Variants in TRHDE observed in about 807,000 individuals in gnomAD.
The protein encoded by TRHDE is thyrotropin releasing hormone degrading enzyme, also known as thyrotropin-releasing hormone-degrading ectoenzyme.
A neutral mutation model predicts 125.7 loss-of-function variants in TRHDE; 72 were observed. The ratio of observed to expected loss-of-function variants is 0.57; its 90% confidence interval spans 0.47 to 0.70. The LOEUF (loss-of-function observed/expected upper bound fraction) is 0.70, where lower values mean the gene tolerates loss of function less well. TRHDE is among the 30% of genes least tolerant of loss of function. The pLI, the probability that TRHDE is intolerant of heterozygous loss-of-function variation, is 0.00. For synonymous variants in TRHDE, 509 were observed against 509.1 expected, an observed-to-expected ratio of 1.00 and a Z score of 0.00; for missense variants, 1,110 against 1,327.1, an observed-to-expected ratio of 0.84 and a Z score of 2.54.
At chr12:72,279,661 G>A (rs180958595) in intron 1 of TRHDE, among the ~76,000 whole-genome samples, 37 of 152,286 alleles carry the variant, frequency 2.4e-4, no homozygotes, top group African/African-American at 8.7e-4. Context: ...TATGGTGGTG[G>A]TGGCAGTGTG....
intron 15 of TRHDE, among the ~76,000 whole-genome samples, chr12:72,622,240 GTATCT>G (rs1356767067): frequency 6.6e-6 from 1 of 151,990 alleles, no homozygotes; most frequent in East Asian, 1.9e-4. Flanking sequence ...CCTTAAACTT[GTATCT>G]TATCTTAGAA....
rs771066713 is a variant in TRHDE at position 72,562,867 on chromosome 12, T to C, written c.1869T>C (p.Asn623=). Residue 623 remains asparagine (N), a synonymous_variant, in exon 9 of 19, where the codon AAT becomes AAC. Transcript: ENST00000261180. ...TCCTTGTGAAGGCTTTAAAAAGAAA[T>C]GGGAAATATGTAAATATACAAGAAG... ...WNTLSEALKR[N]GKYVNIQEVM... The C allele has an allele frequency of 1.3e-6, 2 of 1,568,174 alleles. No homozygotes were observed. Among genetic ancestry groups the C allele is most frequent in the Non-Finnish European group, 1.7e-6 (2 of 1,162,622 alleles).
chr12:72,610,585 GGGTGCCTGCGTGTGTGTGTGTGTGCACC>G (rs1872597200), intron 12 of TRHDE: 1 of 152,160 alleles, frequency 6.6e-6, no homozygotes, highest in Non-Finnish European at 1.5e-5. Flanking sequence ...CAAACAGTTC[GGGTGCCTGCGTGTGTGTGTGTGTGCACC>G]TGGGTCTGCG....
intron 3 of TRHDE, among the ~76,000 whole-genome samples, chr12:72,415,516 C>A (rs1221936260): frequency 6.6e-6 from 1 of 151,842 alleles, no homozygotes; most frequent in Admixed American, 6.6e-5. Context: ...AACATCTCCT[C>A]TTCCTCCTTT....
At chr12:72,236,445 T>C (rs1372750898) in intron 2 of TRHDE, among the ~76,000 whole-genome samples, 2 of 149,884 alleles carry the variant, frequency 1.3e-5, no homozygotes, top group Non-Finnish European at 3.0e-5. Context: ...CTTGTAGCTG[T>C]CAGTTTTCAA....
chr12:72,517,959 G>A (rs904371243), intron 6 of TRHDE, among the ~76,000 whole-genome samples: 1 of 151,754 alleles, frequency 6.6e-6, no homozygotes, highest in Non-Finnish European at 1.5e-5. Context: ...GCGGTTTTGA[G>A]TGAGATTCTT....
intron 2 of TRHDE, among the ~76,000 whole-genome samples, chr12:72,235,267 T>A (rs1878319211): frequency 6.6e-6 from 1 of 152,190 alleles, no homozygotes; most frequent in South Asian, 2.1e-4. Flanking sequence ...ATCCAGTACA[T>A]ACTGTTTCAG....
chr12:72,496,662 A>G (rs966201173), intron 5 of TRHDE, among the ~76,000 whole-genome samples: 4 of 152,188 alleles, frequency 2.6e-5, no homozygotes, highest in African/African-American at 9.6e-5. Context: ...TAGCACATTC[A>G]GCCTGTAAGA....
intron 5 of TRHDE, among the ~76,000 whole-genome samples, chr12:72,497,758 A>G (rs973181884): frequency 1.3e-5 from 2 of 152,134 alleles, no homozygotes; most frequent in Admixed American, 1.3e-4. Context: ...AAATTGATAC[A>G]TAATTTTTTC....
At chr12:72,247,007 C>G (rs1166678272) in intron 2 of TRHDE, among the ~76,000 whole-genome samples, 2 of 152,274 alleles carry the variant, frequency 1.3e-5, no homozygotes, top group Middle Eastern at 3.4e-3. Flanking sequence ...CATGCTAAAG[C>G]TCAATTTAGC....
chr12:72,109,497 G>C (rs1240593850), intron 2 of TRHDE, among the ~76,000 whole-genome samples: 1 of 152,006 alleles, frequency 6.6e-6, no homozygotes, highest in African/African-American at 2.4e-5. Flanking sequence ...AGTTAGTATA[G>C]CAGGTCAATG....
chr12:72,252,329 T>C (rs1044218556), intron 2 of TRHDE, among the ~76,000 whole-genome samples: 2 of 152,146 alleles, frequency 1.3e-5, no homozygotes, highest in Non-Finnish European at 2.9e-5. Context: ...GTTGATGTTC[T>C]CTTTTTCTTT....
chr12:72,411,612 G>A (rs74103312), intron 3 of TRHDE, among the ~76,000 whole-genome samples: 3 of 151,984 alleles, frequency 2.0e-5, no homozygotes, highest in South Asian at 2.1e-4. Flanking sequence ...TGGAATCTTA[G>A]CAGGCTCTTT....
intron 2 of TRHDE, among the ~76,000 whole-genome samples, chr12:72,298,702 T>C (rs1880396449): frequency 6.6e-6 from 1 of 152,156 alleles, no homozygotes; most frequent in South Asian, 2.1e-4. Context: ...AGGGGAACCA[T>C]TGAAGGATTT....
At chr12:72,332,932 A>G (rs536036134) in intron 2 of TRHDE, among the ~76,000 whole-genome samples, 1 of 152,258 alleles carries the variant, frequency 6.6e-6, no homozygotes, top group Non-Finnish European at 1.5e-5. Flanking sequence ...GAGAAGCACT[A>G]GACCATTCAG....
At chr12:72,497,112 G>A (rs945387332) in intron 5 of TRHDE, among the ~76,000 whole-genome samples, 1 of 151,218 alleles carries the variant, frequency 6.6e-6, no homozygotes, top group Non-Finnish European at 1.5e-5. Flanking sequence ...ACACAATATC[G>A]TTCTCTCCAA....
chr12:72,478,993 G>A (rs1877035118), intron 5 of TRHDE, among the ~76,000 whole-genome samples: 1 of 146,756 alleles, frequency 6.8e-6, no homozygotes, highest in African/African-American at 2.5e-5. Flanking sequence ...GGTTAAACTA[G>A]CTTTCACTGA....
At chr12:72,315,771 TC>T (rs1356079893) in intron 2 of TRHDE, among the ~76,000 whole-genome samples, 1 of 152,194 alleles carries the variant, frequency 6.6e-6, no homozygotes, top group East Asian at 1.9e-4. Context: ...TGTCCCTAAT[TC>T]ACTTTGATCA....
At chr12:72,504,150 T>C (rs1878267294) in intron 6 of TRHDE, among the ~76,000 whole-genome samples, 2 of 152,088 alleles carry the variant, frequency 1.3e-5, no homozygotes, top group South Asian at 4.1e-4. Context: ...AAGAAAATCA[T>C]TCTTTAGAGG....
Sources: gnomAD v4.1 joint callset for allele counts (sites outside exome capture counted in the v4.1 genomes callset) on GRCh38, gnomAD v4.1.1 for gene constraint, MANE v1.5 for transcripts, NCBI Gene and HGNC (gene_info 2026-07-23, HGNC 2026-07-21) for gene names.